The following NUP54 variants were observed in gnomAD, a reference collection of about 807,000 sequenced individuals.
NUP54 encodes the protein nucleoporin 54.
A neutral mutation model predicts 66.4 loss-of-function variants in NUP54; 27 were observed. The ratio of observed to expected loss-of-function variants is 0.41; its 90% CI spans 0.30 to 0.56. The LOEUF is 0.56. NUP54 is among the 20% of genes least tolerant of loss of function. The pLI is 0.34. For missense variants in NUP54, 486 were observed against 596.3 expected (o/e 0.82, Z 1.93); for synonymous variants, 206 against 210.7 (o/e 0.98, Z 0.19).
At chr4:76,136,479 G>T in intron 3 of NUP54, 67 bp from the exon 4 acceptor site, 3 of 1,297,236 alleles carry the variant, frequency 2.3e-6, no homozygotes, top group Non-Finnish European at 3.3e-6. Flanking sequence ...GATCCTAGGC[G>T]TGGTAGGCAA....
At chr4:76,129,314 A>G (rs2109877615) in intron 8 of NUP54, among the ~76,000 whole-genome samples, 1 of 152,354 alleles carries the variant, frequency 6.6e-6, no homozygotes, top group East Asian at 1.9e-4. Context: ...AAGAAAACAC[A>G]ACAATCCTAT....
intron 6 of NUP54, among the ~76,000 whole-genome samples, chr4:76,132,037 G>A (rs1730825672): frequency 6.6e-6 from 1 of 152,062 alleles, no homozygotes; most frequent in African/African-American, 2.4e-5. Flanking sequence ...AGATCTACAT[G>A]TAAATATGCT....
At chr4:76,147,858 G>A (rs898354888) in intron 1 of NUP54, 40 of 340,588 alleles carry the variant, frequency 1.2e-4, no homozygotes, top group East Asian at 5.9e-4. Context: ...ACAGGGGGCC[G>A]GGGGTGGAAC....
At chr4:76,145,904 G>T (rs945263301) in intron 1 of NUP54, 6 of 275,524 alleles carry the variant, frequency 2.2e-5, no homozygotes, top group South Asian at 2.1e-4. Flanking sequence ...TTGCATGCAG[G>T]CACAACTAAA....
At chr4:76,124,626 G>C (rs773511974) in intron 9 of NUP54, 23 bp downstream of exon 9, 1 of 769,354 alleles carries the variant, frequency 1.3e-6, no homozygotes, top group Non-Finnish European at 2.0e-6. Context: ...ATAAACACTG[G>C]GGGGGAAAAT....
chr4:76,117,583 C>T (rs1001529825), intron 11 of NUP54, 81 bp downstream of exon 11: 1 of 835,176 alleles, frequency 1.2e-6, no homozygotes, highest in Non-Finnish European at 2.0e-6. Context: ...TAACACTTTT[C>T]TTATTAGGAT....
At chr4:76,143,405 ACCAG>A (rs1731349492) in intron 3 of NUP54, among the ~76,000 whole-genome samples, 1 of 152,220 alleles carries the variant, frequency 6.6e-6, no homozygotes, top group African/African-American at 2.4e-5. Flanking sequence ...GGAGTTCCAG[ACCAG>A]CCTGGCCAAT....
Position 76,134,256 on chromosome 4 carries a change from A to T in NUP54, c.629T>A (p.Val210Glu). The part of the protein sequence containing the change: ...TEIRSQQQQL[V>E]ESLHKVLGGN... ...TCCCAAAACTTTATGCAATGATTCTACCAACTGTTGTTGTTGGCTTCGAAT... is the reference window on the plus strand; with the variant it reads ...TCCCAAAACTTTATGCAATGATTCTTCCAACTGTTGTTGTTGGCTTCGAAT... The change falls in exon 5 of 12, where the codon GTA (valine) becomes GAA (glutamate). Residue 210 changes from valine to glutamate, a missense_variant. Transcript: ENST00000264883. The T allele has an allele frequency of 6.2e-7, 1 of 1,613,734 alleles. No individual in the cohort carries two copies. Among genetic ancestry groups the T allele is most frequent in the Non-Finnish European group, 8.5e-7 (1 of 1,179,702 alleles).
chr4:76,144,308 T>C lies in NUP54; in HGVS notation c.152-16A>G. The C allele has an allele frequency of 6.3e-7, 1 of 1,583,796 alleles. No homozygotes were observed. Among genetic ancestry groups the C allele is most frequent in the Non-Finnish European group, 8.5e-7 (1 of 1,172,612 alleles). On this transcript the variant is annotated splice_polypyrimidine_tract_variant and intron_variant, in intron 2 of 11. Coordinates refer to ENST00000264883, the MANE Select transcript of NUP54 (RefSeq NM_017426.4). ...CCAAAGAGTCCTTTGAATGAAAAATTGGAACTTCGTAAGTTAAAAAAAAAA... is the reference window on the plus strand; with the variant it reads ...CCAAAGAGTCCTTTGAATGAAAAATCGGAACTTCGTAAGTTAAAAAAAAAA...
At chr4:76,128,409 A>AG (rs1553942680) in intron 8 of NUP54, among the ~76,000 whole-genome samples, 2 of 152,014 alleles carry the variant, frequency 1.3e-5, no homozygotes, top group African/African-American at 4.8e-5. Context: ...AAAAAAAAAA[A>AG]AGTCCAAATA....
At chr4:76,127,979 G>C (rs1730615600) in intron 8 of NUP54, among the ~76,000 whole-genome samples, 1 of 152,132 alleles carries the variant, frequency 6.6e-6, no homozygotes, top group Non-Finnish European at 1.5e-5. Flanking sequence ...GGTAAGATAG[G>C]AATTTAAAGT....
intron 9 of NUP54, among the ~76,000 whole-genome samples, chr4:76,118,733 G>A (rs530342338): frequency 7.9e-4 from 120 of 151,678 alleles, no homozygotes; most frequent in African/African-American, 2.5e-3. Context: ...GGCCGGGCGC[G>A]GTGGCTCACA....
chr4:76,142,534 G>A (rs761679560), intron 3 of NUP54, among the ~76,000 whole-genome samples: 2 of 152,208 alleles, frequency 1.3e-5, no homozygotes, highest in Non-Finnish European at 2.9e-5. Flanking sequence ...CTTCTAGAGA[G>A]GTATACAGGT....
At chr4:76,143,306 T>TA in intron 3 of NUP54, among the ~76,000 whole-genome samples, 1 of 152,082 alleles carries the variant, frequency 6.6e-6, no homozygotes, top group African/African-American at 2.4e-5. Flanking sequence ...TTCAACAAAT[T>TA]AAAAAATAAA....
intron 5 of NUP54, among the ~76,000 whole-genome samples, 189 bp from the exon 6 acceptor site, chr4:76,132,908 T>G (rs1053157633): frequency 6.6e-6 from 1 of 150,734 alleles, no homozygotes; most frequent in South Asian, 2.1e-4. Context: ...CAGGCTGGAG[T>G]GCAGTGGTAT....
At position 76,118,111 on chromosome 4, in the gene NUP54, C is replaced by T. The variant is rs138631738; in HGVS notation, c.1248G>A (p.Thr416=). The T allele has an allele frequency of 1.5e-4, 235 of 1,613,942 alleles. 1 individual carries two copies. Among genetic ancestry groups the T allele is most frequent in the Non-Finnish European group, 1.8e-4 (213 of 1,179,834 alleles). Residue 416 remains threonine, a synonymous_variant, in exon 10 of 12, where the codon ACG becomes ACA. Transcript: ENST00000264883. The part of the protein sequence containing the change: ...DEEQLRVQLD[T]IQGELNAPTQ... Reference sequence around the variant, plus strand: ...TAGGTGCATTTAGTTCACCCTGAATCGTATCCAGCTGAACTCGCAACTGCT... The same window carrying T: ...TAGGTGCATTTAGTTCACCCTGAATTGTATCCAGCTGAACTCGCAACTGCT...
chr4:76,117,391 A>G (rs1372624410), intron 11 of NUP54, among the ~76,000 whole-genome samples: 2 of 152,138 alleles, frequency 1.3e-5, no homozygotes, highest in Non-Finnish European at 2.9e-5. Flanking sequence ...TGGGTGTACA[A>G]ATATGTTTTG....
At position 76,130,915 on chromosome 4, in the gene NUP54, ACCTC is replaced by A. The variant is rs374000632; in HGVS notation, c.963-170_963-167del. 7.1e-4 allele frequency: 433 copies of A among 611,630 alleles called. 3 individuals carry two copies. The African/African-American group carries it at 7.3e-3, about 10-fold the overall frequency. The allele number at this position is 611,630 out of a possible 1,614,324, so 37.9% of individuals were successfully genotyped here. On this transcript the variant is annotated intron_variant, in intron 7 of 11. Transcript: ENST00000264883. ...TGTTATACCAAAGAGATTTTATTCAACCTCCCTATTTTACAAATGAGGAAATACA... is the reference window on the plus strand; with the variant it reads ...TGTTATACCAAAGAGATTTTATTCAACCTATTTTACAAATGAGGAAATACA...
chr4:76,131,719 C>T (rs1187655641), intron 6 of NUP54, among the ~76,000 whole-genome samples: 1 of 151,910 alleles, frequency 6.6e-6, no homozygotes, highest in Admixed American at 6.6e-5. Flanking sequence ...TAGAACTTTC[C>T]CTGGAGGGCA....
Sources: gnomAD v4.1 joint callset for allele counts (sites outside exome capture counted in the v4.1 genomes callset) on GRCh38, gnomAD v4.1.1 for gene constraint, MANE v1.5 for transcripts, NCBI Gene and HGNC (gene_info 2026-07-23, HGNC 2026-07-21) for gene names.